MRPL47: variants seen among roughly 807,000 people sequenced by gnomAD.
The protein encoded by MRPL47 is large ribosomal subunit protein uL29m.
In MRPL47, 31 loss-of-function variants were observed where a neutral mutation model predicts 34.0. The observed-to-expected ratio is 0.91, with a 90% CI of 0.68 to 1.23. MRPL47 has a LOEUF of 1.23. Among genes scored for constraint, MRPL47 ranks in the 50% most tolerant of loss-of-function variants. The probability of loss-of-function intolerance (pLI) is 0.00; values close to 1 mark genes in which losing one functional copy is unlikely to be tolerated. For missense variants in MRPL47, 328 were observed against 285.8 expected (o/e 1.15, Z -1.07); for synonymous variants, 106 against 101.6 (o/e 1.04, Z -0.26).
intron 6 of MRPL47, among the ~76,000 whole-genome samples, chr3:179,590,158 G>T (rs916772748): frequency 1.3e-5 from 2 of 152,088 alleles, no homozygotes; most frequent in Non-Finnish European, 2.9e-5. Context: ...GGCCAACATG[G>T]TGAAACCCTG....
chr3:179,594,029 CCTAAAAAT>C, intron 4 of MRPL47, 134 bp from the exon 5 acceptor site: 1 of 793,262 alleles, frequency 1.3e-6, no homozygotes. Flanking sequence ...TTAAGTATTT[CCTAAAAAT>C]CTTTTTGGCA....
rs548251870 is a variant in MRPL47 at position 179,598,785 on chromosome 3, C to G, written c.306-14G>C. 2 of 1,523,730 alleles carry G rather than the reference C, an allele frequency of 1.3e-6. No individual in the cohort carries two copies. Among genetic ancestry groups the G allele is most frequent in the South Asian group, 2.2e-5 (2 of 89,206 alleles). The allele number at this position is 1,523,730 out of a possible 1,614,324, so 94.4% of individuals were successfully genotyped here. On this transcript the variant is annotated splice_polypyrimidine_tract_variant and intron_variant, in intron 3 of 6. Coordinates refer to ENST00000476781, the MANE Select transcript of MRPL47 (RefSeq NM_020409.3). ...AGTAAGACATACCTATACAAAAGAACACAAACCTTGTGATGCTATTCTGTG... is the reference window on the plus strand; with the variant it reads ...AGTAAGACATACCTATACAAAAGAAGACAAACCTTGTGATGCTATTCTGTG...
At position 179,604,592 on chromosome 3, in the gene MRPL47, C is replaced by T. The variant is rs773875624; in HGVS notation, c.33G>A (p.Arg11=). The T allele has an allele frequency of 5.0e-6, 8 of 1,614,130 alleles. No homozygotes were observed. The highest frequency in any genetic ancestry group is 2.2e-5 in the East Asian group (1 of 44,898). The change falls in exon 1 of 7, where the codon AGG becomes AGA. Residue 11 remains arginine, a synonymous_variant. Coordinates refer to ENST00000476781, the MANE Select transcript of MRPL47 (RefSeq NM_020409.3). MAAAGLALLC[R]RVSSALKSSR... is the part of the protein sequence containing the mutation. Reference sequence around the variant, plus strand: ...AAGATTTCAGGGCGGATGAAACTCTCCTACAAAGAAGGGCCAAACCGGCCG... The same window carrying T: ...AAGATTTCAGGGCGGATGAAACTCTTCTACAAAGAAGGGCCAAACCGGCCG...
chr3:179,593,944 ATTCCC>A (rs1212561213), intron 4 of MRPL47, 49 bp from the exon 5 acceptor site: 10 of 1,557,310 alleles, frequency 6.4e-6, no homozygotes, highest in South Asian at 2.3e-5. Flanking sequence ...CTACTACAAA[ATTCCC>A]AAAAAAGAGA....
rs763674771 is a variant in MRPL47 at position 179,603,672 on chromosome 3, TTAAGA to T, written c.98+850_98+854del. Among the ~76,000 whole-genome samples the T allele has an allele frequency of 2.1e-3, 325 of 152,340 alleles. 1 individual carries two copies. Among genetic ancestry groups the T allele is most frequent in the Non-Finnish European group, 3.1e-3 (213 of 68,024 alleles). ...ATTATTATAGATGGGAATTTATAAA[TTAAGA>T]TGTTTATTAAAGCACTATATAGGAT... On this transcript the variant is annotated intron_variant, in intron 1 of 6. Transcript: ENST00000476781.
intron 5 of MRPL47, among the ~76,000 whole-genome samples, chr3:179,592,962 A>G (rs1292597025): frequency 6.6e-6 from 1 of 152,222 alleles, no homozygotes; most frequent in African/African-American, 2.4e-5. Flanking sequence ...TAATGTCAAG[A>G]GTACAGGGAA....
intron 4 of MRPL47, among the ~76,000 whole-genome samples, chr3:179,597,688 G>C (rs1391552181): frequency 6.6e-6 from 1 of 151,958 alleles, no homozygotes; most frequent in African/African-American, 2.4e-5. Context: ...TGTGCCTGTG[G>C]TCTCAGCTAC....
At chr3:179,596,545 A>G (rs1390829008) in intron 4 of MRPL47, among the ~76,000 whole-genome samples, 1 of 152,254 alleles carries the variant, frequency 6.6e-6, no homozygotes, top group Non-Finnish European at 1.5e-5. Flanking sequence ...TTTAAAGCAG[A>G]TAATCCACGG....
chr3:179,602,829 T>C, intron 1 of MRPL47, 32 bp from the exon 2 acceptor site: 1 of 1,526,214 alleles, frequency 6.6e-7, no homozygotes, highest in African/African-American at 1.4e-5. Flanking sequence ...CAAGTAAAAG[T>C]TTTATAATAT....
intron 6 of MRPL47, among the ~76,000 whole-genome samples, chr3:179,591,943 G>A (rs377490617): frequency 1.1e-3 from 159 of 151,006 alleles, no homozygotes; most frequent in African/African-American, 3.6e-3. Context: ...ATCAATTCTC[G>A]TACCTCAGCC....
At chr3:179,596,354 A>G (rs752213682) in intron 4 of MRPL47, among the ~76,000 whole-genome samples, 1 of 152,190 alleles carries the variant, frequency 6.6e-6, no homozygotes, top group Non-Finnish European at 1.5e-5. Flanking sequence ...ATTTTTGCTT[A>G]ATAAAGTTTC....
At chr3:179,603,051 G>T (rs1718966820) in intron 1 of MRPL47, among the ~76,000 whole-genome samples, 1 of 151,788 alleles carries the variant, frequency 6.6e-6, no homozygotes, top group Non-Finnish European at 1.5e-5. Flanking sequence ...GAATTACAGG[G>T]ATGAGCCACC....
At chr3:179,599,407 A>G (rs188868264) in intron 3 of MRPL47, among the ~76,000 whole-genome samples, 73 of 152,364 alleles carry the variant, frequency 4.8e-4, no homozygotes, top group African/African-American at 1.6e-3. Context: ...ATTATATGCC[A>G]GACAATGTGT....
rs561960012 is a variant in MRPL47, at chr3:179,592,693, A to T, written c.580T>A (p.Tyr194Asn). Residue 194 changes from tyrosine to asparagine, a missense_variant, in exon 6 of 7, where the codon TAC becomes AAC. Transcript: ENST00000476781. ...WVIPWHLNKR[Y>N]NRKRFFALPY... ...AAGGCAAAGAATCGTTTCCTATTGTATCTTTTATTTAGGTGCCAAGGTATA... is the reference window on the plus strand; with the variant it reads ...AAGGCAAAGAATCGTTTCCTATTGTTTCTTTTATTTAGGTGCCAAGGTATA... 6.2e-7 allele frequency: 1 copy of T among 1,614,042 alleles called. No homozygotes were observed. The highest frequency in any genetic ancestry group is 2.2e-5 in the East Asian group (1 of 44,864).
intron 5 of MRPL47, among the ~76,000 whole-genome samples, chr3:179,593,519 A>G (rs1369946768): frequency 1.3e-5 from 2 of 152,204 alleles, no homozygotes; most frequent in Non-Finnish European, 2.9e-5. Flanking sequence ...GAACCACTAC[A>G]ATAAAGACTT....
At chr3:179,600,656 A>C (rs1718906459) in intron 3 of MRPL47, among the ~76,000 whole-genome samples, 1 of 152,076 alleles carries the variant, frequency 6.6e-6, no homozygotes, top group Non-Finnish European at 1.5e-5. Flanking sequence ...AGATAAAATA[A>C]AAAAAAGCAA....
intron 3 of MRPL47, 109 bp from the exon 4 acceptor site, chr3:179,598,880 G>A (rs1718857552): frequency 8.1e-6 from 6 of 741,944 alleles, no homozygotes; most frequent in African/African-American, 5.2e-5. Context: ...ACTTAGAGGC[G>A]AGGTGCTGTG....
At chr3:179,602,864 TATC>T in intron 1 of MRPL47, 67 bp from the exon 2 acceptor site, 5 of 1,205,734 alleles carry the variant, frequency 4.1e-6, no homozygotes, top group Non-Finnish European at 5.9e-6. Context: ...CAATAAACAT[TATC>T]ATAATAAACA....
rs1419718182 is a variant in MRPL47 at position 179,604,560 on chromosome 3, G to T, written c.65C>A (p.Ser22Ter). The T allele has an allele frequency of 6.2e-7, 1 of 1,614,176 alleles. No homozygotes were observed. Among genetic ancestry groups the T allele is most frequent in the East Asian group, 2.2e-5 (1 of 44,884 alleles). The change falls in exon 1 of 7, where the codon TCG (serine) becomes TAG (stop). Residue 22 changes from serine (S) to a stop codon, truncating the protein, a stop_gained. Coordinates refer to ENST00000476781, the MANE Select transcript of MRPL47 (RefSeq NM_020409.3). LOFTEE classifies it high-confidence loss of function. ...RVSSALKSSR[S>*]LITPQVPACT... ...GGCAGGGACCTGAGGAGTTATTAAC[G>T]ATCGGGAAGATTTCAGGGCGGATGA...
Sources: gnomAD v4.1 joint callset for allele counts (sites outside exome capture counted in the v4.1 genomes callset) on GRCh38, gnomAD v4.1.1 for gene constraint, MANE v1.5 for transcripts, NCBI Gene and HGNC (gene_info 2026-07-23, HGNC 2026-07-21) for gene names.